SLC17A1: variants seen among roughly 807,000 people sequenced by gnomAD.
SLC17A1 encodes solute carrier family 17 member 1.
SLC17A1 carries 51 observed loss-of-function variants against 53.5 expected under a neutral mutation model. The ratio of observed to expected loss-of-function variants is 0.95; its 90% CI spans 0.76 to 1.20. The LOEUF (loss-of-function observed/expected upper bound fraction) is 1.20. Among genes scored for constraint, SLC17A1 ranks in the 50% most tolerant of loss-of-function variants. The pLI is 0.00. For missense variants in SLC17A1, 538 were observed against 568.2 expected (o/e 0.95, Z 0.54); for synonymous variants, 179 against 198.8 (o/e 0.90, Z 0.84).
intron 10 of SLC17A1, among the ~76,000 whole-genome samples, chr6:25,810,792 T>G (rs1764127373): frequency 1.3e-5 from 2 of 152,250 alleles, no homozygotes; most frequent in African/African-American, 4.8e-5. Context: ...TCAAAAGAGA[T>G]ATCTGCACTA....
chr6:25,748,033 AT>A, the SLC17A1 span, among the ~76,000 whole-genome samples: 1 of 152,188 alleles, frequency 6.6e-6, no homozygotes, highest in Non-Finnish European at 1.5e-5. Flanking sequence ...TTTGTTACTT[AT>A]TTTACATGAA....
intron 6 of SLC17A1, among the ~76,000 whole-genome samples, chr6:25,814,558 T>C (rs1452353862): frequency 2.0e-5 from 3 of 152,100 alleles, no homozygotes; most frequent in Non-Finnish European, 2.9e-5. Flanking sequence ...GAAATAAAAA[T>C]ACTATAATAG....
the SLC17A1 span, chr6:25,768,922 A>G: frequency 6.9e-7 from 1 of 1,443,378 alleles, no homozygotes; most frequent in Non-Finnish European, 9.7e-7. Context: ...TCCTTCTTCC[A>G]GACTTAGGGA....
chr6:25,726,764 A>G, the SLC17A1 span: 9 of 1,164,496 alleles, frequency 7.7e-6, no homozygotes, highest in African/African-American at 3.1e-5. Context: ...CGCATCTTTC[A>G]TCCTCCAGTT....
intron 6 of SLC17A1, 94 bp from the exon 7 acceptor site, chr6:25,813,307 T>C (rs761542356): frequency 8.0e-5 from 80 of 995,072 alleles, no homozygotes; most frequent in Non-Finnish European, 1.2e-4. Flanking sequence ...TCTGAGAAAC[T>C]GGACCTCCTC....
the SLC17A1 span, among the ~76,000 whole-genome samples, chr6:25,744,490 G>T: frequency 6.6e-6 from 1 of 152,026 alleles, no homozygotes; most frequent in Non-Finnish European, 1.5e-5. Flanking sequence ...AAAATTGCAG[G>T]AATTTTGCAA....
At chr6:25,741,153 GAGA>G in the SLC17A1 span, among the ~76,000 whole-genome samples, 4 of 152,170 alleles carry the variant, frequency 2.6e-5, no homozygotes, top group African/African-American at 9.6e-5. Flanking sequence ...TTAGCTAAAA[GAGA>G]AGATTTGTAA....
downstream of SLC17A1, chr6:25,780,286 A>T (rs542571330): frequency 6.6e-6 from 1 of 152,376 alleles, no homozygotes; most frequent in South Asian, 2.1e-4. Flanking sequence ...GGGAGGGCAG[A>T]TAACTTTAAT....
At chr6:25,783,571 A>C (rs953022093) in intron 12 of SLC17A1, among the ~76,000 whole-genome samples, 3 of 152,200 alleles carry the variant, frequency 2.0e-5, no homozygotes, top group African/African-American at 7.2e-5. Flanking sequence ...TTGTATCCTG[A>C]AAACAAAACA....
the SLC17A1 span, among the ~76,000 whole-genome samples, chr6:25,741,587 C>T: frequency 1.3e-5 from 2 of 151,916 alleles, no homozygotes; most frequent in Admixed American, 6.6e-5. Flanking sequence ...TGGTCATGGG[C>T]CGCCTATAAT....
At chr6:25,764,127 T>A in the SLC17A1 span, among the ~76,000 whole-genome samples, 2 of 152,156 alleles carry the variant, frequency 1.3e-5, no homozygotes, top group Non-Finnish European at 2.9e-5. Context: ...TGACTGATCC[T>A]CACTTATCCA....
At chr6:25,761,873 G>T in the SLC17A1 span, 9 of 1,025,008 alleles carry the variant, frequency 8.8e-6, no homozygotes, top group East Asian at 2.3e-4. Flanking sequence ...AAGAATTGGG[G>T]TAATATCATA....
chr6:25,766,725 A>G, the SLC17A1 span, among the ~76,000 whole-genome samples: 2 of 152,340 alleles, frequency 1.3e-5, no homozygotes, highest in South Asian at 2.1e-4. Flanking sequence ...ACAAATTTCA[A>G]TTAAGGGATG....
At chr6:25,731,727 T>C in the SLC17A1 span, 2 of 1,219,068 alleles carry the variant, frequency 1.6e-6, no homozygotes, top group East Asian at 2.4e-5. Flanking sequence ...GAAACTTTCA[T>C]TGGCTCTTAA....
At chr6:25,750,408 G>A in the SLC17A1 span, among the ~76,000 whole-genome samples, 1 of 152,122 alleles carries the variant, frequency 6.6e-6, no homozygotes, top group Admixed American at 6.5e-5. Context: ...TCAGAATGAA[G>A]GAAATTGAGA....
At chr6:25,785,864 C>T (rs1226529294) in intron 12 of SLC17A1, among the ~76,000 whole-genome samples, 1 of 152,090 alleles carries the variant, frequency 6.6e-6, no homozygotes, top group East Asian at 1.9e-4. Flanking sequence ...TGGAATTCTA[C>T]ATTGCTGGTG....
intron 6 of SLC17A1, among the ~76,000 whole-genome samples, chr6:25,814,983 TCACACAAACACACACACACACACACA>T (rs1764290280): frequency 7.1e-6 from 1 of 140,434 alleles, no homozygotes; most frequent in Admixed American, 7.2e-5. Flanking sequence ...CAAGACTCTG[TCACACAAACACACACACACACACACA>T]CACACACACA....
chr6:25,726,601 T>C, the SLC17A1 span: 1 of 1,515,262 alleles, frequency 6.6e-7, no homozygotes, highest in Non-Finnish European at 8.9e-7. Flanking sequence ...ATAGTCTGAC[T>C]GAGGTTGGCA....
the SLC17A1 span, among the ~76,000 whole-genome samples, chr6:25,752,582 AC>A: frequency 6.6e-6 from 1 of 152,212 alleles, no homozygotes; most frequent in African/African-American, 2.4e-5. Flanking sequence ...GACTTTATAA[AC>A]TTTTAAATGT....
Sources: allele counts gnomAD v4.1 joint callset (sites outside exome capture counted in the v4.1 genomes callset), GRCh38; gene constraint gnomAD v4.1.1; transcripts MANE v1.5; gene names NCBI Gene and HGNC (gene_info 2026-07-23, HGNC 2026-07-21).